The following GPM6A variants were observed in gnomAD, a reference collection of about 807,000 sequenced individuals.
GPM6A encodes the protein glycoprotein M6A.
GPM6A carries 7 observed loss-of-function variants against 32.1 expected under a neutral mutation model. That is an observed-to-expected ratio of 0.22 (90% confidence interval 0.12 to 0.41). The LOEUF is 0.41. GPM6A is among the 10% of genes least tolerant of loss of function. GPM6A has a pLI of 1.00. For synonymous variants in GPM6A, 130 were observed against 123.4 expected (o/e 1.05, Z -0.35); for missense variants, 235 against 347.2 (o/e 0.68, Z 2.57).
At chr4:175,961,208 C>A (rs1372461174) in intron 1 of GPM6A, 1 of 152,120 alleles carries the variant, frequency 6.6e-6, no homozygotes. Context: ...TCGAAATATG[C>A]AAATTTTCAA....
At chr4:175,942,468 T>C (rs1739444215) in intron 1 of GPM6A, among the ~76,000 whole-genome samples, 1 of 152,228 alleles carries the variant, frequency 6.6e-6, no homozygotes, top group Non-Finnish European at 1.5e-5. Flanking sequence ...ATGTCCTGAA[T>C]GGTATTGCCT....
At chr4:175,921,797 C>T (rs1001663151) in intron 1 of GPM6A, among the ~76,000 whole-genome samples, 6 of 152,114 alleles carry the variant, frequency 3.9e-5, no homozygotes, top group African/African-American at 1.4e-4. Flanking sequence ...TTTACATTTA[C>T]TTATTGGAGT....
chr4:175,924,334 G>T (rs1265149053), intron 1 of GPM6A, among the ~76,000 whole-genome samples: 2 of 152,132 alleles, frequency 1.3e-5, no homozygotes, highest in Non-Finnish European at 2.9e-5. Flanking sequence ...GACCAAAGTG[G>T]CAGTGAGAGA....
intron 2 of GPM6A, 90 bp downstream of exon 2, chr4:175,701,485 A>G (rs1744876547): frequency 4.6e-6 from 4 of 873,634 alleles, no homozygotes; most frequent in Non-Finnish European, 5.6e-6. Context: ...ATATATTATC[A>G]CCTCATCTAA....
At chr4:175,673,589 AAAT>A in intron 3 of GPM6A, 88 bp downstream of exon 3, 1 of 898,700 alleles carries the variant, frequency 1.1e-6, no homozygotes, top group Non-Finnish European at 1.6e-6. Context: ...TGTGAAAAAA[AAAT>A]ACTTTAATTC....
At chr4:175,720,142 T>G (rs910314582) in intron 1 of GPM6A, among the ~76,000 whole-genome samples, 1 of 152,240 alleles carries the variant, frequency 6.6e-6, no homozygotes, top group Non-Finnish European at 1.5e-5. Flanking sequence ...CATATGACTT[T>G]TAGACGGTAG....
At chr4:175,974,909 C>G (rs1226868859) in intron 1 of GPM6A, among the ~76,000 whole-genome samples, 1 of 152,160 alleles carries the variant, frequency 6.6e-6, no homozygotes, top group Non-Finnish European at 1.5e-5. Flanking sequence ...GTCTCAAACT[C>G]CTGGGCTCAA....
intron 3 of GPM6A, among the ~76,000 whole-genome samples, chr4:175,662,927 T>C (rs907051741): frequency 3.3e-5 from 5 of 152,094 alleles, no homozygotes; most frequent in African/African-American, 9.7e-5. Flanking sequence ...GCAAACATGG[T>C]AGTGAAATAA....
chr4:175,708,415 C>A (rs1032144269), intron 1 of GPM6A, among the ~76,000 whole-genome samples: 1 of 147,442 alleles, frequency 6.8e-6, no homozygotes, highest in African/African-American at 2.5e-5. Context: ...GATGGAGTTT[C>A]GCTCTTGTTG....
At chr4:175,852,566 T>C (rs187978504) in intron 1 of GPM6A, among the ~76,000 whole-genome samples, 1 of 152,314 alleles carries the variant, frequency 6.6e-6, no homozygotes, top group East Asian at 1.9e-4. Flanking sequence ...CCAAGCCTTT[T>C]CAGTCTGGAG....
chr4:175,811,454 T>A (rs1053728834), intron 1 of GPM6A, among the ~76,000 whole-genome samples: 1 of 152,150 alleles, frequency 6.6e-6, no homozygotes, highest in Non-Finnish European at 1.5e-5. Context: ...GTTGATTGAA[T>A]CATTCCAAAT....
intron 1 of GPM6A, chr4:175,906,905 T>A (rs940108181): frequency 2.0e-5 from 3 of 152,138 alleles, no homozygotes; most frequent in African/African-American, 7.2e-5. Flanking sequence ...GCAAGTTTTG[T>A]CTTTCAGATT....
rs76669356 is a variant in GPM6A at position 175,739,121 on chromosome 4, G to C, written c.38-37354C>G. Among the ~76,000 whole-genome samples the C allele has an allele frequency of 2.7e-3, 406 of 152,242 alleles. 4 individuals are homozygous for C. Among genetic ancestry groups the C allele is most frequent in the Non-Finnish European group, 4.4e-3 (299 of 67,988 alleles). On this transcript the variant is annotated intron_variant, in intron 1 of 6. Coordinates refer to ENST00000393658, the MANE Select transcript of GPM6A (RefSeq NM_201591.3). The stretch of plus-strand genomic sequence containing the variant: ...GTGCCTGACAAGGTGTTGAATAGAA[G>C]ATACTTTATTTTAGTTTTCATCTGA...
intron 1 of GPM6A, among the ~76,000 whole-genome samples, chr4:175,992,013 T>A (rs1047034126): frequency 7.1e-6 from 1 of 141,682 alleles, no homozygotes; most frequent in Non-Finnish European, 1.5e-5. Context: ...ACGAAACAAA[T>A]CAATCAAAAT....
chr4:175,750,774 A>G (rs931804367), intron 1 of GPM6A, among the ~76,000 whole-genome samples: 4 of 151,984 alleles, frequency 2.6e-5, no homozygotes, highest in African/African-American at 9.7e-5. Context: ...TAGTTTCTCC[A>G]TGTTGGCCGG....
intron 1 of GPM6A, among the ~76,000 whole-genome samples, chr4:175,788,499 GAA>G (rs1733887547): frequency 6.6e-6 from 1 of 151,940 alleles, no homozygotes; most frequent in Non-Finnish European, 1.5e-5. Flanking sequence ...CCCAATACTT[GAA>G]AAGCTTTAAT....
At chr4:175,902,754 G>T in intron 1 of GPM6A, among the ~76,000 whole-genome samples, 1 of 151,954 alleles carries the variant, frequency 6.6e-6, no homozygotes, top group East Asian at 1.9e-4. Flanking sequence ...CCCTCTCTCT[G>T]CAGCAGAGAG....
intron 1 of GPM6A, among the ~76,000 whole-genome samples, chr4:175,904,449 T>C (rs994492135): frequency 3.9e-5 from 6 of 152,110 alleles, no homozygotes; most frequent in Non-Finnish European, 8.8e-5. Flanking sequence ...TACACACACA[T>C]ATATATACAC....
intron 1 of GPM6A, among the ~76,000 whole-genome samples, chr4:175,714,086 A>T (rs1745701170): frequency 6.6e-6 from 1 of 152,188 alleles, no homozygotes; most frequent in Non-Finnish European, 1.5e-5. Context: ...TGTCAAAAAT[A>T]GATTTTTAGA....
Sources: gnomAD v4.1 joint callset for allele counts (sites outside exome capture counted in the v4.1 genomes callset) on GRCh38, gnomAD v4.1.1 for gene constraint, MANE v1.5 for transcripts, NCBI Gene and HGNC (gene_info 2026-07-23, HGNC 2026-07-21) for gene names.